SLC9A2: variants seen among roughly 807,000 people sequenced by gnomAD.
The protein encoded by SLC9A2 is sodium/hydrogen exchanger 2.
In SLC9A2, 42 loss-of-function variants were observed where a neutral mutation model predicts 71.7. The ratio of observed to expected loss-of-function variants is 0.59; its 90% CI spans 0.46 to 0.76. SLC9A2 has a LOEUF of 0.76. Among genes scored for constraint, SLC9A2 ranks in the 30% least tolerant of loss-of-function variants. The pLI, the probability that SLC9A2 is intolerant of heterozygous loss-of-function variation, is 0.00. For synonymous variants in SLC9A2, 396 were observed against 392.5 expected (o/e 1.01, Z -0.10); for missense variants, 829 against 1,017.4 (o/e 0.81, Z 2.52).
chr2:102,687,371 TC>T (rs1677566740), intron 5 of SLC9A2, among the ~76,000 whole-genome samples: 1 of 152,070 alleles, frequency 6.6e-6, no homozygotes. Context: ...CCAGAATACA[TC>T]AATAATTAAG....
At position 102,708,300 on chromosome 2, in the gene SLC9A2, C is replaced by G. The variant is rs779498679; in HGVS notation, c.2250C>G (p.Pro750=). The change falls in exon 12 of 12, where the codon CCC becomes CCG. Residue 750 remains proline, a synonymous_variant. Transcript: ENST00000233969. ...ATATGCCCAGCACCCCCCCAACACC[C>G]CACAGCAGAGAAAAGGGCACCCAGA... ...GRDMPSTPPT[P]HSREKGTQTS... The G allele has an allele frequency of 3.1e-6, 5 of 1,614,032 alleles. No homozygotes were observed. Among genetic ancestry groups the G allele is most frequent in the Non-Finnish European group, 4.2e-6 (5 of 1,180,040 alleles).
intron 1 of SLC9A2, among the ~76,000 whole-genome samples, chr2:102,643,963 C>G (rs2104510047): frequency 6.6e-6 from 1 of 151,462 alleles, no homozygotes; most frequent in South Asian, 2.1e-4. Flanking sequence ...ATACCTGTCT[C>G]CTAACTTAAC....
chr2:102,701,682 T>A (rs1677877456), intron 8 of SLC9A2, among the ~76,000 whole-genome samples: 1 of 152,148 alleles, frequency 6.6e-6, no homozygotes, highest in Non-Finnish European at 1.5e-5. Context: ...TGGGGGCCAT[T>A]TAAAGCAGCA....
At chr2:102,689,700 G>A (rs1677622940) in intron 5 of SLC9A2, 1 of 152,164 alleles carries the variant, frequency 6.6e-6, no homozygotes, top group South Asian at 2.1e-4. Context: ...TTTTAAGATG[G>A]AACAATGTAG....
chr2:102,654,431 T>C (rs1036894507), intron 1 of SLC9A2, among the ~76,000 whole-genome samples: 1 of 152,190 alleles, frequency 6.6e-6, no homozygotes, highest in Non-Finnish European at 1.5e-5. Flanking sequence ...TGGAGCCTTT[T>C]GTAGTATAAA....
rs962097484 is a variant in SLC9A2, at chr2:102,657,570, A to T, written c.296A>T (p.His99Leu). The change falls in exon 2 of 12, where the codon CAT (histidine) becomes CTT (leucine). Residue 99 changes from histidine (H) to leucine (L), a missense_variant. Physicochemically the swap from His to Leu is moderately conservative, Grantham distance 99 (BLOSUM62 -3). Transcript: ENST00000233969. ...TTTATTTTTTCCTTACCAGGCTTCC[A>T]TCTGTATCACAAGTTGCCCACAATA... ...LLASLAKIGF[H>L]LYHKLPTIVP... is the part of the protein sequence containing the mutation. 1 of 1,597,758 alleles carries T rather than the reference A, an allele frequency of 6.3e-7. No homozygotes were observed. The highest frequency in any genetic ancestry group is 1.3e-5 in the African/African-American group (1 of 74,142).
At chr2:102,665,706 G>A (rs964315263) in intron 3 of SLC9A2, among the ~76,000 whole-genome samples, 11 of 141,498 alleles carry the variant, frequency 7.8e-5, no homozygotes, top group East Asian at 6.8e-4. Context: ...CCCGGGAGGC[G>A]GAGCTTGCGG....
intron 5 of SLC9A2, among the ~76,000 whole-genome samples, chr2:102,693,551 G>A (rs546096682): frequency 7.2e-5 from 11 of 151,984 alleles, no homozygotes; most frequent in African/African-American, 1.7e-4. Context: ...CCACATTTCC[G>A]GAGTTCACTC....
At chr2:102,627,096 G>A (rs1039124890) in intron 1 of SLC9A2, among the ~76,000 whole-genome samples, 5 of 151,886 alleles carry the variant, frequency 3.3e-5, no homozygotes, top group African/African-American at 1.2e-4. Flanking sequence ...GACCAGCCTG[G>A]GCAACATAGT....
chr2:102,660,873 G>A (rs892560622), intron 2 of SLC9A2, among the ~76,000 whole-genome samples: 2 of 152,170 alleles, frequency 1.3e-5, no homozygotes, highest in Admixed American at 6.5e-5. Context: ...GAGGTTAATC[G>A]GAGAAAATTC....
Position 102,679,538 on chromosome 2 carries a change from C to T in SLC9A2, c.1005-3723C>T, listed in dbSNP as rs376147903. Reference sequence around the variant, plus strand: ...CTGGGACTACAGGTGTCCGCCACCACACCCAGCTAATTTTTTTATTTTTAG... The same window carrying T: ...CTGGGACTACAGGTGTCCGCCACCATACCCAGCTAATTTTTTTATTTTTAG... On this transcript the variant is annotated intron_variant, in intron 3 of 11. Transcript: ENST00000233969. 5.6e-4 allele frequency among the ~76,000 whole-genome samples: 85 copies of T among 152,096 alleles called. 1 individual carries two copies. The East Asian group carries it at 0.014, about 25-fold the overall frequency.
chr2:102,685,578 C>T (rs1677532557), intron 5 of SLC9A2, among the ~76,000 whole-genome samples: 1 of 152,182 alleles, frequency 6.6e-6, no homozygotes, highest in Non-Finnish European at 1.5e-5. Flanking sequence ...TCCTAGAATA[C>T]ATTCTGATGG....
chr2:102,645,969 C>T (rs1676715466), intron 1 of SLC9A2, among the ~76,000 whole-genome samples: 1 of 152,092 alleles, frequency 6.6e-6, no homozygotes, highest in Non-Finnish European at 1.5e-5. Flanking sequence ...TAAGATACTC[C>T]TCAAGAAGAG....
chr2:102,696,382 A>G (rs940836829), intron 7 of SLC9A2, among the ~76,000 whole-genome samples: 17 of 152,194 alleles, frequency 1.1e-4, no homozygotes, highest in Admixed American at 7.2e-4. Flanking sequence ...ACTTGCTAAC[A>G]GAATTTTTTT....
chr2:102,671,714 G>A (rs533918585), intron 3 of SLC9A2, among the ~76,000 whole-genome samples: 9 of 152,338 alleles, frequency 5.9e-5, no homozygotes, highest in African/African-American at 1.9e-4. Context: ...ATAGTAGGTT[G>A]TCACTTCTTT....
chr2:102,691,307 A>G (rs1199177718), intron 5 of SLC9A2, among the ~76,000 whole-genome samples: 1 of 152,046 alleles, frequency 6.6e-6, no homozygotes, highest in Non-Finnish European at 1.5e-5. Context: ...TTTATTCTGT[A>G]TGGATGGTAG....
At chr2:102,666,454 C>T (rs975433897) in intron 3 of SLC9A2, among the ~76,000 whole-genome samples, 4 of 152,274 alleles carry the variant, frequency 2.6e-5, no homozygotes, top group Admixed American at 2.0e-4. Context: ...CCCTTGGCCT[C>T]CCAAAATGCT....
chr2:102,708,154 A>G lies in SLC9A2; in HGVS notation c.2104A>G (p.Thr702Ala), dbSNP rs1225837037. The G allele has an allele frequency of 6.2e-7, 1 of 1,613,800 alleles. No homozygotes were observed. Among genetic ancestry groups the G allele is most frequent in the Non-Finnish European group, 8.5e-7 (1 of 1,179,934 alleles). Reference sequence around the variant, plus strand: ...CAGCGACTCAGACGCAGATGCCGGGACCACCGTGCTCAATTTGCAGCCCAG... The same window carrying G: ...CAGCGACTCAGACGCAGATGCCGGGGCCACCGTGCTCAATTTGCAGCCCAG... Reference protein sequence around the residue: ...NSSDSDADAGTTVLNLQPRAR... With the variant: ...NSSDSDADAGATVLNLQPRAR... The change falls in exon 12 of 12, where the codon ACC (threonine) becomes GCC (alanine). Residue 702 changes from threonine to alanine, a missense_variant. Physicochemically the swap from Thr to Ala is moderately conservative, Grantham distance 58. This residue lies in a region of SLC9A2 where 223 missense variants were observed against 197.5 expected (regional missense o/e 1.13). Coordinates refer to ENST00000233969, the MANE Select transcript of SLC9A2 (RefSeq NM_003048.6).
chr2:102,684,943 C>CT (rs1464480335), intron 5 of SLC9A2, among the ~76,000 whole-genome samples: 1 of 152,196 alleles, frequency 6.6e-6, no homozygotes, highest in Non-Finnish European at 1.5e-5. Context: ...CCTGTCCCTG[C>CT]TGCAGAGCTT....
Sources: allele counts gnomAD v4.1 joint callset (sites outside exome capture counted in the v4.1 genomes callset), GRCh38; gene constraint gnomAD v4.1.1; regional missense constraint gnomAD v4.1.1; transcripts MANE v1.5; gene names NCBI Gene and HGNC (gene_info 2026-07-23, HGNC 2026-07-21).